Variants in SPIDR observed in about 807,000 individuals in gnomAD.
SPIDR encodes DNA repair-scaffolding protein.
A neutral mutation model predicts 104.6 loss-of-function variants in SPIDR; 93 were observed. The observed-to-expected ratio is 0.89, with a 90% confidence interval of 0.75 to 1.06. The LOEUF (loss-of-function observed/expected upper bound fraction) is 1.06, where lower values mean the gene tolerates loss of function less well. Among genes scored for constraint, SPIDR ranks in the 50% least tolerant of loss-of-function variants. The pLI is 0.00. For synonymous variants in SPIDR, 431 were observed against 416.9 expected (o/e 1.03, Z -0.41); for missense variants, 1,154 against 1,111.2 (o/e 1.04, Z -0.55).
intron 8 of SPIDR, among the ~76,000 whole-genome samples, chr8:47,517,810 ATGTATCATTTGAG>A (rs1271128462): frequency 6.6e-6 from 1 of 152,172 alleles, no homozygotes; most frequent in Non-Finnish European, 1.5e-5. Flanking sequence ...ATTTATTTTG[ATGTATCATTTGAG>A]GGTAGAGATT....
chr8:47,354,435 T>C (rs2054137924), intron 5 of SPIDR, among the ~76,000 whole-genome samples: 1 of 152,168 alleles, frequency 6.6e-6, no homozygotes, highest in Non-Finnish European at 1.5e-5. Flanking sequence ...GATCACTCAT[T>C]TGGCACTTAT....
Position 47,712,684 on chromosome 8 carries a change from A to T in SPIDR, c.2000A>T (p.Glu667Val). 1.2e-6 allele frequency: 2 copies of T among 1,614,050 alleles called. No individual in the cohort carries two copies. The highest frequency in any genetic ancestry group is 1.7e-6 in the Non-Finnish European group (2 of 1,180,004). ...TAGCTGAAGAGTCTGCTGCTTCTGGAGCAAAGGGAGATCTGGCTGCTAGTG... is the reference window on the plus strand; with the variant it reads ...TAGCTGAAGAGTCTGCTGCTTCTGGTGCAAAGGGAGATCTGGCTGCTAGTG... ...KPQLKSLLLLEQREIWLLVTD... is the reference protein window; with the variant it reads ...KPQLKSLLLLVQREIWLLVTD... Residue 667 changes from glutamate to valine, a missense_variant, in exon 15 of 20, where the codon GAG (glutamate) becomes GTG (valine). Physicochemically the swap from Glu to Val is moderately radical, Grantham distance 121. Coordinates refer to ENST00000297423, the MANE Select transcript of SPIDR (RefSeq NM_001080394.4).
intron 10 of SPIDR, among the ~76,000 whole-genome samples, chr8:47,644,849 G>A (rs944240651): frequency 6.6e-6 from 1 of 152,182 alleles, no homozygotes; most frequent in Admixed American, 6.5e-5. Context: ...GCTTCAAGGT[G>A]AAACCTAACG....
chr8:47,672,525 GTTAC>G (rs2075928298), intron 10 of SPIDR, among the ~76,000 whole-genome samples: 45 of 152,054 alleles, frequency 3.0e-4, no homozygotes, highest in Admixed American at 2.9e-3. Flanking sequence ...ATAGCCATTT[GTTAC>G]ACCTACTCAG....
intron 8 of SPIDR, among the ~76,000 whole-genome samples, chr8:47,467,319 A>G (rs557935853): frequency 6.6e-6 from 1 of 152,200 alleles, no homozygotes; most frequent in African/African-American, 2.4e-5. Flanking sequence ...TACTGAAACT[A>G]TTCCGAAAAA....
intron 8 of SPIDR, among the ~76,000 whole-genome samples, chr8:47,450,613 ATTG>A (rs1564005980): frequency 3.9e-5 from 6 of 152,346 alleles, no homozygotes; most frequent in Admixed American, 3.9e-4. Flanking sequence ...GCAAATGTAT[ATTG>A]TTGTTTCCAG....
At chr8:47,596,926 TATC>T (rs1377188981) in intron 9 of SPIDR, among the ~76,000 whole-genome samples, 1 of 152,160 alleles carries the variant, frequency 6.6e-6, no homozygotes, top group Non-Finnish European at 1.5e-5. Flanking sequence ...GGGCCATCAA[TATC>T]ACCATCTTCC....
chr8:47,603,151 A>AG (rs1478409785), intron 10 of SPIDR, among the ~76,000 whole-genome samples: 2 of 91,310 alleles, frequency 2.2e-5, no homozygotes, highest in African/African-American at 8.7e-5. Flanking sequence ...ATAAAGCCAT[A>AG]GGCTTTTTTT....
chr8:47,313,602 C>T (rs1432788804), intron 5 of SPIDR, among the ~76,000 whole-genome samples: 6 of 152,150 alleles, frequency 3.9e-5, no homozygotes, highest in African/African-American at 1.2e-4. Flanking sequence ...CCCGCATTGC[C>T]GAGTCAATCC....
intron 7 of SPIDR, among the ~76,000 whole-genome samples, chr8:47,416,480 T>G (rs2064309396): frequency 6.6e-6 from 1 of 152,168 alleles, no homozygotes; most frequent in African/African-American, 2.4e-5. Flanking sequence ...TAAAAGGTGC[T>G]GTGAACATTT....
At chr8:47,489,217 CAGAG>C (rs1279820494) in intron 8 of SPIDR, among the ~76,000 whole-genome samples, 3 of 152,182 alleles carry the variant, frequency 2.0e-5, no homozygotes, top group Non-Finnish European at 2.9e-5. Context: ...AACAGACAAA[CAGAG>C]AGCCAAATCA....
rs1047010600 is a variant in SPIDR, at chr8:47,609,006, C to T, written c.1544+9810C>T. ...CCTCCCAAAGTGTTGGGATTACAGG[C>T]GTGAGCCACCGCACCCGGCTGAGCA... On this transcript the variant is annotated intron_variant, in intron 10 of 19. Coordinates refer to ENST00000297423, the MANE Select transcript of SPIDR (RefSeq NM_001080394.4). 2.0e-5 allele frequency among the ~76,000 whole-genome samples: 3 copies of T among 152,228 alleles called. No individual in the cohort carries two copies. The South Asian group carries it at 6.2e-4, about 31-fold the overall frequency.
At chr8:47,644,567 C>T (rs1227283447) in intron 10 of SPIDR, among the ~76,000 whole-genome samples, 1 of 152,166 alleles carries the variant, frequency 6.6e-6, no homozygotes, top group Non-Finnish European at 1.5e-5. Context: ...TGGTTTGTAG[C>T]CAGGTAACCT....
intron 5 of SPIDR, among the ~76,000 whole-genome samples, chr8:47,299,521 C>G (rs1446469095): frequency 5.3e-5 from 8 of 152,142 alleles, no homozygotes; most frequent in Non-Finnish European, 1.2e-4. Context: ...GCATCCCTGT[C>G]TTGTGCCCGT....
chr8:47,671,902 A>G (rs1226238407), intron 10 of SPIDR, among the ~76,000 whole-genome samples: 2 of 152,082 alleles, frequency 1.3e-5, no homozygotes, highest in Non-Finnish European at 2.9e-5. Flanking sequence ...TACAGTGAGT[A>G]TATTAGTTGG....
chr8:47,532,799 G>A (rs532061454), intron 8 of SPIDR, among the ~76,000 whole-genome samples: 49 of 152,314 alleles, frequency 3.2e-4, no homozygotes, highest in Admixed American at 7.2e-4. Context: ...TACATTTATA[G>A]AATACTTCAT....
intron 6 of SPIDR, among the ~76,000 whole-genome samples, chr8:47,397,334 A>G (rs2061354737): frequency 1.3e-5 from 2 of 152,026 alleles, no homozygotes; most frequent in Non-Finnish European, 2.9e-5. Flanking sequence ...CATCTCTACT[A>G]AAAATACAAA....
intron 8 of SPIDR, among the ~76,000 whole-genome samples, chr8:47,451,581 AACACAC>A (rs56269650): frequency 5.4e-5 from 8 of 148,014 alleles, no homozygotes; most frequent in Admixed American, 2.0e-4. Context: ...ACCCTGCCAA[AACACAC>A]ACACACACAC....
chr8:47,297,979 G>C (rs1449577501), intron 5 of SPIDR, among the ~76,000 whole-genome samples: 6 of 152,146 alleles, frequency 3.9e-5, no homozygotes, highest in Non-Finnish European at 8.8e-5. Context: ...ACCCAGTAAT[G>C]GGATGGCTGG....
Sources: allele counts gnomAD v4.1 joint callset (sites outside exome capture counted in the v4.1 genomes callset), GRCh38; gene constraint gnomAD v4.1.1; transcripts MANE v1.5; gene names NCBI Gene and HGNC (gene_info 2026-07-23, HGNC 2026-07-21).